The following YTHDF3 variants were observed in gnomAD, a reference collection of about 807,000 sequenced individuals.
YTHDF3 encodes the protein YTH N6-methyladenosine RNA binding protein F3.
Under a neutral mutation model 52.5 loss-of-function variants are expected in YTHDF3, and 9 were observed. That is an observed-to-expected ratio of 0.17 (90% confidence interval 0.10 to 0.30). YTHDF3 has a LOEUF of 0.30. YTHDF3 is among the 10% of genes least tolerant of loss of function. The pLI, the probability that YTHDF3 is intolerant of heterozygous loss-of-function variation, is 1.00. For missense variants in YTHDF3, 534 were observed against 715.0 expected, an observed-to-expected ratio of 0.75 and a Z score of 2.89; for synonymous variants, 274 against 243.3, an observed-to-expected ratio of 1.13 and a Z score of -1.18.
Position 63,212,173 on chromosome 8 carries a change from T to G in YTHDF3, c.*2467T>G, listed in dbSNP as rs1810402927. 6.6e-6 allele frequency: 1 copy of G among 152,662 alleles called. No individual in the cohort carries two copies. Among genetic ancestry groups the G allele is most frequent in the Non-Finnish European group, 1.5e-5 (1 of 68,024 alleles). The allele number at this position is 152,662 out of a possible 1,614,324, so 9.5% of individuals were successfully genotyped here. A position where few individuals can be genotyped will look rare whatever the true frequency, so the allele number is the denominator to read the frequency against. ...TTCCAAGTTCTGGCTTGAATATTTCTTATTAAAGCTATCTTATGTGGGTAT... is the reference window on the plus strand; with the variant it reads ...TTCCAAGTTCTGGCTTGAATATTTCGTATTAAAGCTATCTTATGTGGGTAT... On this transcript the variant is annotated 3_prime_UTR_variant, in exon 5 of 5. Coordinates refer to ENST00000539294, the MANE Select transcript of YTHDF3 (RefSeq NM_152758.6).
chr8:63,206,748 G>GT (rs939931522), intron 4 of YTHDF3, among the ~76,000 whole-genome samples: 36 of 149,340 alleles, frequency 2.4e-4, no homozygotes, highest in Non-Finnish European at 4.0e-4. Context: ...CTTTTCTATT[G>GT]TTTTTTTTTC....
chr8:63,179,837 CGGGTGGGGGGCT>C (rs1326577488), intron 3 of YTHDF3, among the ~76,000 whole-genome samples: 32 of 150,738 alleles, frequency 2.1e-4, no homozygotes, highest in African/African-American at 7.5e-4. Context: ...GGCGGCTGGC[CGGGTGGGGGGCT>C]GACCCTCCCA....
intron 4 of YTHDF3, among the ~76,000 whole-genome samples, chr8:63,203,739 TAC>T (rs1198293702): frequency 2.0e-5 from 3 of 152,244 alleles, no homozygotes; most frequent in Non-Finnish European, 2.9e-5. Flanking sequence ...TCTAAGCTGT[TAC>T]AGTTTTTCCG....
At chr8:63,171,104 C>G (rs1807295055) in intron 2 of YTHDF3, among the ~76,000 whole-genome samples, 1 of 152,148 alleles carries the variant, frequency 6.6e-6, no homozygotes, top group African/African-American at 2.4e-5. Flanking sequence ...TCTTTATTCT[C>G]AAGAAATTTT....
At chr8:63,179,951 G>A (rs1171817790) in intron 3 of YTHDF3, among the ~76,000 whole-genome samples, 3 of 150,916 alleles carry the variant, frequency 2.0e-5, no homozygotes, top group Non-Finnish European at 3.0e-5. Flanking sequence ...CCTCCCGGAC[G>A]GGGCGGCTGG....
At chr8:63,205,077 C>G (rs567679697) in intron 4 of YTHDF3, among the ~76,000 whole-genome samples, 18 of 152,098 alleles carry the variant, frequency 1.2e-4, no homozygotes, top group Admixed American at 1.2e-3. Flanking sequence ...GGGCTCATTT[C>G]CATATGACAA....
chr8:63,185,474 A>G (rs889862341), intron 3 of YTHDF3, among the ~76,000 whole-genome samples: 15 of 152,230 alleles, frequency 9.9e-5, no homozygotes, highest in African/African-American at 3.4e-4. Context: ...AGTATAAAGA[A>G]AAGTCATGTC....
At chr8:63,182,559 A>G (rs1793270609) in intron 3 of YTHDF3, among the ~76,000 whole-genome samples, 1 of 152,164 alleles carries the variant, frequency 6.6e-6, no homozygotes, top group African/African-American at 2.4e-5. Context: ...ATAGTGAAAT[A>G]AGAATATTCA....
intron 3 of YTHDF3, among the ~76,000 whole-genome samples, chr8:63,182,955 C>CTTTTTTTTTTTTTTTTTTT (rs11381385): frequency 3.5e-5 from 5 of 143,622 alleles, no homozygotes; most frequent in Non-Finnish European, 3.0e-5. Context: ...ACAGTTTTAT[C>CTTTTTTTTTTTTTTTTTTT]TTTTTTTTTT....
At chr8:63,180,962 T>C (rs1042060923) in intron 3 of YTHDF3, among the ~76,000 whole-genome samples, 1 of 152,302 alleles carries the variant, frequency 6.6e-6, no homozygotes, top group African/African-American at 2.4e-5. Context: ...AGGGAGACCG[T>C]GGAAAGAGGG....
intron 4 of YTHDF3, 94 bp downstream of exon 4, chr8:63,187,839 A>G: frequency 7.4e-7 from 1 of 1,354,172 alleles, no homozygotes; most frequent in South Asian, 1.5e-5. Context: ...TCTGTGAAGG[A>G]AACCAACTAC....
intron 3 of YTHDF3, among the ~76,000 whole-genome samples, chr8:63,180,430 G>A (rs866741754): frequency 6.6e-6 from 1 of 151,188 alleles, no homozygotes; most frequent in South Asian, 2.1e-4. Flanking sequence ...GCCGGGAAGA[G>A]GCGCTCCTCA....
At chr8:63,183,024 G>A (rs1808253090) in intron 3 of YTHDF3, among the ~76,000 whole-genome samples, 2 of 147,708 alleles carry the variant, frequency 1.4e-5, no homozygotes, top group South Asian at 2.1e-4. Context: ...TGGTGGCATC[G>A]CAGCTCACTG....
intron 2 of YTHDF3, among the ~76,000 whole-genome samples, chr8:63,171,403 A>C (rs908880366): frequency 6.6e-6 from 1 of 152,136 alleles, no homozygotes; most frequent in Non-Finnish European, 1.5e-5. Flanking sequence ...TTCCTCACTT[A>C]ATCTATTTTT....
intron 4 of YTHDF3, among the ~76,000 whole-genome samples, chr8:63,208,306 A>G (rs951584646): frequency 6.6e-6 from 1 of 152,236 alleles, no homozygotes; most frequent in African/African-American, 2.4e-5. Context: ...TCTCTTTGAA[A>G]TTTACAATGC....
At position 63,175,329 on chromosome 8, in the gene YTHDF3, A is replaced by G. The variant is rs1441705900; in HGVS notation, c.50-2A>G. On this transcript the variant is annotated splice_acceptor_variant, in intron 2 of 4. Transcript: ENST00000539294. LOFTEE classifies it high-confidence loss of function. ...ACACTTCTAATACAAACATTTTTTT[A>G]GTTTCAGTACAAAACGGTTCGATTC... The G allele has an allele frequency of 6.2e-7, 1 of 1,601,766 alleles. No homozygotes were observed. Among genetic ancestry groups the G allele is most frequent in the African/African-American group, 1.3e-5 (1 of 74,872 alleles).
chr8:63,185,448 A>G (rs1808435688), intron 3 of YTHDF3, among the ~76,000 whole-genome samples: 1 of 152,178 alleles, frequency 6.6e-6, no homozygotes, highest in Admixed American at 6.5e-5. Context: ...ATTGTGTAAA[A>G]TTTGGGGAAG....
chr8:63,173,653 G>T, intron 2 of YTHDF3: 2 of 985,268 alleles, frequency 2.0e-6, no homozygotes, highest in Non-Finnish European at 1.2e-6. Flanking sequence ...TGATTTAGGA[G>T]CAGTAAAGCC....
intron 4 of YTHDF3, among the ~76,000 whole-genome samples, chr8:63,202,535 C>T (rs1488384297): frequency 2.0e-5 from 3 of 150,706 alleles, no homozygotes; most frequent in African/African-American, 7.3e-5. Context: ...GATCTTGGCT[C>T]ACTGCAACCT....
Sources: allele counts gnomAD v4.1 joint callset (sites outside exome capture counted in the v4.1 genomes callset), GRCh38; gene constraint gnomAD v4.1.1; transcripts MANE v1.5; gene names NCBI Gene and HGNC (gene_info 2026-07-23, HGNC 2026-07-21).